Variants in SLCO5A1 observed in about 807,000 individuals in gnomAD.
The protein encoded by SLCO5A1 is organic anion transporter polypeptide-related protein 4.
SLCO5A1 carries 39 observed loss-of-function variants against 65.1 expected under a neutral mutation model. The ratio of observed to expected loss-of-function variants is 0.60; its 90% CI spans 0.46 to 0.78. SLCO5A1 has a LOEUF of 0.78. Ranked by LOEUF, SLCO5A1 falls within the 30% of genes least tolerant of loss-of-function variation. The pLI, the probability that SLCO5A1 is intolerant of heterozygous loss-of-function variation, is 0.00. For missense variants in SLCO5A1, 1,029 were observed against 1,069.4 expected (o/e 0.96, Z 0.53); for synonymous variants, 438 against 415.7 (o/e 1.05, Z -0.65).
chr8:69,787,343 C>G (rs1819075931), intron 2 of SLCO5A1, among the ~76,000 whole-genome samples: 1 of 152,202 alleles, frequency 6.6e-6, no homozygotes, highest in Non-Finnish European at 1.5e-5. Flanking sequence ...TGTCCGGCCA[C>G]TGACCCGAAA....
At position 69,673,036 on chromosome 8, in the gene SLCO5A1, A is replaced by G. The variant is rs762451080; in HGVS notation, c.2380T>C (p.Ser794Pro). ...CCCTGGGTGCTGAAAGCTGGGCAAG[A>G]TCTAGTCCGGGCATTGTCGGGGTGT... is the stretch of plus-strand genomic sequence containing the variant. ...VGHPDNARTR[S>P]CPAFSTQGEF... The change falls in exon 10 of 10, where the codon TCT becomes CCT. Residue 794 changes from serine (S) to proline (P), a missense_variant. Coordinates refer to ENST00000260126, the MANE Select transcript of SLCO5A1 (RefSeq NM_030958.3). The G allele has an allele frequency of 1.4e-5, 23 of 1,614,140 alleles. No individual in the cohort carries two copies. The highest frequency in any genetic ancestry group is 1.9e-5 in the Non-Finnish European group (23 of 1,180,018).
chr8:69,681,973 C>T (rs911756642), intron 7 of SLCO5A1, among the ~76,000 whole-genome samples: 4 of 152,152 alleles, frequency 2.6e-5, no homozygotes, highest in African/African-American at 4.8e-5. Context: ...AACAAAATCC[C>T]TGCACCCAAA....
chr8:69,727,334 T>C (rs1439090299), intron 5 of SLCO5A1, among the ~76,000 whole-genome samples: 1 of 152,198 alleles, frequency 6.6e-6, no homozygotes, highest in Non-Finnish European at 1.5e-5. Context: ...TTAACTTGTA[T>C]GCTATATGTC....
intron 2 of SLCO5A1, among the ~76,000 whole-genome samples, chr8:69,775,979 A>C (rs1818534546): frequency 6.6e-6 from 1 of 152,190 alleles, no homozygotes. Flanking sequence ...GTGCCACTGC[A>C]ATCCAGCCTG....
At chr8:69,803,374 G>A (rs368617375) in intron 2 of SLCO5A1, among the ~76,000 whole-genome samples, 12 of 152,166 alleles carry the variant, frequency 7.9e-5, no homozygotes, top group Middle Eastern at 3.4e-3. Context: ...CCAAGACTGC[G>A]CCACTACCAT....
chr8:69,799,898 C>T (rs959211210), intron 2 of SLCO5A1, among the ~76,000 whole-genome samples: 1 of 152,132 alleles, frequency 6.6e-6, no homozygotes, highest in African/African-American at 2.4e-5. Context: ...ACAGCCAAAC[C>T]ATATCAAAGG....
chr8:69,750,522 G>T (rs1817244805), intron 4 of SLCO5A1, among the ~76,000 whole-genome samples: 1 of 152,000 alleles, frequency 6.6e-6, no homozygotes, highest in South Asian at 2.1e-4. Context: ...CATCTCCCAG[G>T]CCTCTGCCAC....
chr8:69,679,815 G>T (rs1210174118), intron 7 of SLCO5A1, among the ~76,000 whole-genome samples, 196 bp from the exon 8 acceptor site: 1 of 152,188 alleles, frequency 6.6e-6, no homozygotes, highest in Admixed American at 6.5e-5. Flanking sequence ...ATCAAAGTCT[G>T]CTGGTCAAAA....
intron 5 of SLCO5A1, among the ~76,000 whole-genome samples, chr8:69,726,109 A>AC (rs1417841808): frequency 6.6e-6 from 1 of 152,244 alleles, no homozygotes; most frequent in African/African-American, 2.4e-5. Context: ...TGCTTGGGAA[A>AC]CAAATCCCAG....
At position 69,729,085 on chromosome 8, in the gene SLCO5A1, AG is replaced by A. The variant is rs1816218567; in HGVS notation, c.1423+8954del. On this transcript the variant is annotated intron_variant, in intron 5 of 9. Transcript: ENST00000260126. ...ACAAAGACTACTGAGGTAGAGCCAA[AG>A]GACACAGGTACTGACTTTAAGGGGC... Among the ~76,000 whole-genome samples, 3 of 152,314 alleles carry A rather than the reference AG, an allele frequency of 2.0e-5. No individual in the cohort carries two copies. In the South Asian group the frequency reaches 6.2e-4, roughly 32 times the overall value.
intron 5 of SLCO5A1, among the ~76,000 whole-genome samples, chr8:69,729,706 G>A (rs967369784): frequency 2.6e-5 from 4 of 150,988 alleles, no homozygotes; most frequent in Non-Finnish European, 1.5e-5. Flanking sequence ...GAGAGAGAGC[G>A]TGTGTGTGTG....
chr8:69,676,796 C>G, intron 8 of SLCO5A1, 123 bp from the exon 9 acceptor site: 1 of 656,284 alleles, frequency 1.5e-6, no homozygotes, highest in East Asian at 2.9e-5. Context: ...ATTTAATTCA[C>G]TATTATTTAC....
chr8:69,676,882 TCTGA>T (rs1365245247), intron 8 of SLCO5A1, among the ~76,000 whole-genome samples: 5 of 152,174 alleles, frequency 3.3e-5, no homozygotes, highest in Non-Finnish European at 5.9e-5. Flanking sequence ...TCAAAGAAAC[TCTGA>T]CTATCTCTAA....
chr8:69,672,805 A>C lies in SLCO5A1; in HGVS notation c.*64T>G. The C allele has an allele frequency of 6.6e-7, 1 of 1,506,656 alleles. No homozygotes were observed. The highest frequency in any genetic ancestry group is 8.9e-7 in the Non-Finnish European group (1 of 1,119,132). The allele number at this position is 1,506,656 out of a possible 1,614,324, so 93.3% of individuals were successfully genotyped here. A position where few individuals can be genotyped will look rare whatever the true frequency, so the allele number is the denominator to read the frequency against. On this transcript the variant is annotated 3_prime_UTR_variant, in exon 10 of 10. Transcript: ENST00000260126. Reference sequence around the variant, plus strand: ...AAAAGAAAGAAAGAAAAGAAGGCACAGTTGTTTCTCAAGTCGCCATTTTCA... The same window carrying C: ...AAAAGAAAGAAAGAAAAGAAGGCACCGTTGTTTCTCAAGTCGCCATTTTCA...
intron 2 of SLCO5A1, among the ~76,000 whole-genome samples, chr8:69,825,277 A>G (rs1160801810): frequency 6.6e-6 from 1 of 152,234 alleles, no homozygotes; most frequent in African/African-American, 2.4e-5. Flanking sequence ...AGTTCTGGCC[A>G]GGGCAATCAG....
intron 5 of SLCO5A1, among the ~76,000 whole-genome samples, chr8:69,712,200 T>C (rs1305795723): frequency 1.3e-5 from 2 of 152,216 alleles, no homozygotes; most frequent in African/African-American, 2.4e-5. Flanking sequence ...AATATCCTGC[T>C]GCTTTCCAGC....
At chr8:69,747,129 C>T (rs1817069090) in intron 4 of SLCO5A1, among the ~76,000 whole-genome samples, 1 of 152,174 alleles carries the variant, frequency 6.6e-6, no homozygotes, top group African/African-American at 2.4e-5. Context: ...GCCTCCTGAC[C>T]AACCTGATGC....
At chr8:69,799,882 G>A (rs1819661580) in intron 2 of SLCO5A1, among the ~76,000 whole-genome samples, 1 of 152,134 alleles carries the variant, frequency 6.6e-6, no homozygotes, top group African/African-American at 2.4e-5. Flanking sequence ...AGATTTGGGT[G>A]GGGACACAGC....
intron 2 of SLCO5A1, among the ~76,000 whole-genome samples, chr8:69,817,150 C>T (rs573669025): frequency 1.3e-5 from 2 of 152,148 alleles, no homozygotes; most frequent in Non-Finnish European, 2.9e-5. Flanking sequence ...AAGAACAACC[C>T]CCTCCCAATT....
Sources: gnomAD v4.1 joint callset for allele counts (sites outside exome capture counted in the v4.1 genomes callset) on GRCh38, gnomAD v4.1.1 for gene constraint, MANE v1.5 for transcripts, NCBI Gene and HGNC (gene_info 2026-07-23, HGNC 2026-07-21) for gene names.